The following PCDH9 variants were observed in gnomAD, a reference collection of about 807,000 sequenced individuals.
The protein encoded by PCDH9 is protocadherin 9.
PCDH9 carries 24 observed loss-of-function variants against 70.6 expected under a neutral mutation model. The observed-to-expected ratio is 0.34, with a 90% CI of 0.25 to 0.48. The LOEUF (loss-of-function observed/expected upper bound fraction) is 0.48. Among genes scored for constraint, PCDH9 ranks in the 20% least tolerant of loss-of-function variants. The probability of loss-of-function intolerance (pLI) is 0.99; values close to 1 mark genes in which losing one functional copy is unlikely to be tolerated. For missense variants in PCDH9, 1,281 were observed against 1,503.6 expected (o/e 0.85, Z 2.45); for synonymous variants, 562 against 558.5 (o/e 1.01, Z -0.09).
chr13:67,109,902 G>A (rs1030344297), intron 2 of PCDH9, among the ~76,000 whole-genome samples: 2 of 152,006 alleles, frequency 1.3e-5, no homozygotes, highest in Non-Finnish European at 2.9e-5. Context: ...TATACCTCTT[G>A]AAGTGCATTA....
intron 4 of PCDH9, among the ~76,000 whole-genome samples, chr13:66,491,385 TTGTGTGTG>T (rs71106974): frequency 2.9e-5 from 4 of 136,028 alleles, no homozygotes; most frequent in African/African-American, 5.6e-5. Context: ...GCAGGAGATA[TTGTGTGTG>T]TGTGTGTGTG....
At chr13:66,647,841 T>A (rs142963033) in intron 3 of PCDH9, among the ~76,000 whole-genome samples, 1 of 151,742 alleles carries the variant, frequency 6.6e-6, no homozygotes, top group Non-Finnish European at 1.5e-5. Context: ...GAAGGGAGTG[T>A]CTCATACTCA....
intron 4 of PCDH9, among the ~76,000 whole-genome samples, chr13:66,382,461 A>G (rs1260268523): frequency 1.3e-5 from 2 of 152,216 alleles, no homozygotes; most frequent in Non-Finnish European, 2.9e-5. Context: ...TAAGAAGGGA[A>G]TTACCAATTG....
chr13:66,714,300 C>G (rs2078839645), intron 3 of PCDH9, among the ~76,000 whole-genome samples: 1 of 151,750 alleles, frequency 6.6e-6, no homozygotes, highest in African/African-American at 2.4e-5. Context: ...CCCATCTCCA[C>G]TAAAAATATG....
At chr13:67,083,999 G>A (rs917877358) in intron 2 of PCDH9, among the ~76,000 whole-genome samples, 9 of 152,048 alleles carry the variant, frequency 5.9e-5, no homozygotes, top group Non-Finnish European at 1.3e-4. Flanking sequence ...CCACTCTTAG[G>A]GGATTTTGGG....
intron 4 of PCDH9, among the ~76,000 whole-genome samples, chr13:66,597,181 C>G (rs1203457863): frequency 6.6e-6 from 1 of 151,572 alleles, no homozygotes; most frequent in South Asian, 2.1e-4. Context: ...TAAAAATATC[C>G]ACACTACCCA....
At chr13:66,393,682 G>C (rs1222944278) in intron 4 of PCDH9, among the ~76,000 whole-genome samples, 2 of 152,194 alleles carry the variant, frequency 1.3e-5, no homozygotes, top group Non-Finnish European at 2.9e-5. Context: ...TGAAATAAAT[G>C]TGCATAAACT....
chr13:67,202,762 A>G (rs188680573), intron 2 of PCDH9: 1 of 152,286 alleles, frequency 6.6e-6, no homozygotes, highest in Admixed American at 6.5e-5. Context: ...AAATGCCATC[A>G]GAGCTATTCA....
At chr13:66,911,314 G>A (rs1024739210) in intron 2 of PCDH9, among the ~76,000 whole-genome samples, 1 of 152,062 alleles carries the variant, frequency 6.6e-6, no homozygotes, top group African/African-American at 2.4e-5. Context: ...ATAAAAACAG[G>A]AATAAGATCA....
chr13:66,538,019 T>C (rs779461002), intron 4 of PCDH9, among the ~76,000 whole-genome samples: 15 of 152,208 alleles, frequency 9.9e-5, no homozygotes, highest in Non-Finnish European at 2.9e-5. Context: ...AACAAAAAGG[T>C]AAAATATGTT....
At chr13:66,952,869 C>T (rs1484525297) in intron 2 of PCDH9, among the ~76,000 whole-genome samples, 2 of 152,090 alleles carry the variant, frequency 1.3e-5, no homozygotes, top group Admixed American at 6.6e-5. Flanking sequence ...TACCTGTCAC[C>T]CTCCCTGCCT....
At chr13:66,666,253 A>G (rs1445032507) in intron 3 of PCDH9, among the ~76,000 whole-genome samples, 1 of 152,152 alleles carries the variant, frequency 6.6e-6, no homozygotes, top group African/African-American at 2.4e-5. Context: ...TGATGCCAGC[A>G]GACCAGACTA....
At chr13:67,110,623 C>T (rs928668401) in intron 2 of PCDH9, among the ~76,000 whole-genome samples, 2 of 151,928 alleles carry the variant, frequency 1.3e-5, no homozygotes, top group Non-Finnish European at 2.9e-5. Context: ...CAAAGACTTC[C>T]TATGCTCCAA....
At chr13:67,150,339 T>C (rs969518754) in intron 2 of PCDH9, among the ~76,000 whole-genome samples, 1 of 152,172 alleles carries the variant, frequency 6.6e-6, no homozygotes, top group African/African-American at 2.4e-5. Flanking sequence ...GCCTGGCCCA[T>C]AATTTGAGTT....
intron 2 of PCDH9, among the ~76,000 whole-genome samples, chr13:67,092,979 A>G (rs1003607594): frequency 2.0e-5 from 3 of 152,184 alleles, no homozygotes; most frequent in Admixed American, 6.5e-5. Context: ...AACTATAGTA[A>G]CTTCTAAACT....
At chr13:66,820,702 C>A (rs2139380190) in intron 3 of PCDH9, among the ~76,000 whole-genome samples, 1 of 152,190 alleles carries the variant, frequency 6.6e-6, no homozygotes, top group Non-Finnish European at 1.5e-5. Flanking sequence ...TTTACAGGGA[C>A]ATGGATGGAG....
rs554980873 is a variant in PCDH9 at position 66,369,800 on chromosome 13, G to C, written c.3341-64772C>G. On this transcript the variant is annotated intron_variant, in intron 4 of 4. Coordinates refer to ENST00000377865, the MANE Select transcript of PCDH9 (RefSeq NM_203487.3). ...GAGCCAGCAAAAAATACTTTTGATT[G>C]AAAGACTGTTACTGGAAATTGTTGA... Among the ~76,000 whole-genome samples, 6 of 152,162 alleles carry C rather than the reference G, an allele frequency of 3.9e-5. No individual in the cohort carries two copies. The South Asian group carries it at 1.2e-3, about 32-fold the overall frequency.
rs904457174 is a variant in PCDH9, at chr13:67,088,840, C to T, written c.3036+136565G>A. 1.4e-4 allele frequency among the ~76,000 whole-genome samples: 21 copies of T among 152,032 alleles called. No homozygotes were observed. In the South Asian group the frequency reaches 2.5e-3, roughly 18 times the overall value. The stretch of plus-strand genomic sequence containing the variant: ...TCTACTTTTATTTCAAAGAACACTA[C>T]AAGGAAGACAATGATTGCAGTTCAA... On this transcript the variant is annotated intron_variant, in intron 2 of 4. Coordinates refer to ENST00000377865, the MANE Select transcript of PCDH9 (RefSeq NM_203487.3).
chr13:66,462,201 G>T (rs1408876891), intron 4 of PCDH9, among the ~76,000 whole-genome samples: 1 of 151,894 alleles, frequency 6.6e-6, no homozygotes, highest in East Asian at 1.9e-4. Flanking sequence ...TGCACACAGT[G>T]CTATAGGTGG....
Sources: allele counts gnomAD v4.1 joint callset (sites outside exome capture counted in the v4.1 genomes callset), GRCh38; gene constraint gnomAD v4.1.1; transcripts MANE v1.5; gene names NCBI Gene and HGNC (gene_info 2026-07-23, HGNC 2026-07-21).